The following PFKFB2 variants were observed in gnomAD, a reference collection of about 807,000 sequenced individuals.
The protein encoded by PFKFB2 is 6-phosphofructo-2-kinase/fructose-2,6-bisphosphatase 2.
A neutral mutation model predicts 68.0 loss-of-function variants in PFKFB2; 53 were observed. The ratio of observed to expected loss-of-function variants is 0.78; its 90% CI spans 0.63 to 0.98. The LOEUF is 0.98. PFKFB2 is among the 50% of genes least tolerant of loss of function. The pLI is 0.00. For missense variants in PFKFB2, 451 were observed against 642.0 expected, an observed-to-expected ratio of 0.70 and a Z score of 3.22; for synonymous variants, 222 against 227.6, an observed-to-expected ratio of 0.98 and a Z score of 0.22.
At position 207,071,490 on chromosome 1, in the gene PFKFB2, C is replaced by A. The variant is rs759439853; in HGVS notation, c.1286-19C>A. The A allele has an allele frequency of 1.9e-6, 3 of 1,607,050 alleles. No individual in the cohort carries two copies. Among genetic ancestry groups the A allele is most frequent in the Non-Finnish European group, 1.7e-6 (2 of 1,173,698 alleles). On this transcript the variant is annotated intron_variant, in intron 13 of 14. Transcript: ENST00000367080. ...TTGAACCTTTTTCTTTAAGTCCTCT[C>A]TTTCCTCTGTTTTCTCAGGGTGCAA...
In PFKFB2 at chr1:207,072,657, A is replaced by T; in HGVS notation, c.*286A>T. The T allele has an allele frequency of 8.3e-7, 1 of 1,200,186 alleles. No individual in the cohort carries two copies. Among genetic ancestry groups the T allele is most frequent in the South Asian group, 2.6e-5 (1 of 38,266 alleles). The allele number at this position is 1,200,186 out of a possible 1,614,324, so 74.3% of individuals were successfully genotyped here. A position where few individuals can be genotyped will look rare whatever the true frequency, so the allele number is the denominator to read the frequency against. On this transcript the variant is annotated 3_prime_UTR_variant, in exon 15 of 15. Coordinates refer to ENST00000367080, the MANE Select transcript of PFKFB2 (RefSeq NM_006212.2). ...TGATCTGGAGGAGGAGGAAAAAGAT[A>T]CACTCCCTTGGGGCTGAGCATGCCC... is the stretch of plus-strand genomic sequence containing the variant.
At chr1:207,042,765 C>G (rs1298377002) in intron 2 of PFKFB2, among the ~76,000 whole-genome samples, 2 of 152,012 alleles carry the variant, frequency 1.3e-5, no homozygotes, top group African/African-American at 4.8e-5. Flanking sequence ...GTTTAGAATT[C>G]AAGGGCAGGA....
At chr1:207,040,626 A>G (rs1369682297) in intron 1 of PFKFB2, among the ~76,000 whole-genome samples, 1 of 152,238 alleles carries the variant, frequency 6.6e-6, no homozygotes, top group East Asian at 1.9e-4. Context: ...AACATCCTCA[A>G]AATTTATAAA....
chr1:207,052,780 G>C (rs1371011176), upstream of PFKFB2: 1 of 156,486 alleles, frequency 6.4e-6, no homozygotes, highest in Non-Finnish European at 1.4e-5. Flanking sequence ...CTGACCTGTG[G>C]AGCCGGGTAT....
Position 207,075,063 on chromosome 1 carries a change from A to T in PFKFB2, c.*2692A>T. 1 of 985,418 alleles carries T rather than the reference A, an allele frequency of 1.0e-6. No homozygotes were observed. Among genetic ancestry groups the T allele is most frequent in the Non-Finnish European group, 1.2e-6 (1 of 829,916 alleles). 61.0% of individuals were successfully genotyped at this position (985,418 alleles called of 1,614,324 possible). On this transcript the variant is annotated 3_prime_UTR_variant, in exon 15 of 15. Coordinates refer to ENST00000367080, the MANE Select transcript of PFKFB2 (RefSeq NM_006212.2). The stretch of plus-strand genomic sequence containing the variant: ...CTGCTGTGAGGTAAGAGTAATTCAG[A>T]CCTAATGAATGAGAAGAGGGAGCAC...
At chr1:207,039,913 GGCTGAGAT>G (rs111914593) in intron 1 of PFKFB2, among the ~76,000 whole-genome samples, 4,608 of 152,250 alleles carry the variant, frequency 0.03, 212 homozygotes, top group African/African-American at 0.1. Flanking sequence ...CAAAATGGGT[GGCTGAGAT>G]GCTGAGAGGC....
Position 207,076,257 on chromosome 1 carries a change from T to TC in PFKFB2, c.*3886_*3887insC, listed in dbSNP as rs2102288725. On this transcript the variant is annotated 3_prime_UTR_variant, in exon 15 of 15. Coordinates refer to ENST00000367080, the MANE Select transcript of PFKFB2 (RefSeq NM_006212.2). Reference sequence around the variant, plus strand: ...ATCTATGTTACTTTTTTTTTCTTTTTTTTTTTTTTTTATGAGCAGGAGATC... The same window carrying TC: ...ATCTATGTTACTTTTTTTTTCTTTTTCTTTTTTTTTTTATGAGCAGGAGATC... The TC allele has an allele frequency of 1.0e-6, 1 of 966,626 alleles. No homozygotes were observed. The highest frequency in any genetic ancestry group is 1.2e-6 in the Non-Finnish European group (1 of 813,396). 59.9% of individuals were successfully genotyped at this position (966,626 alleles called of 1,614,324 possible).
At chr1:207,057,573 C>A (rs1386099060) in intron 2 of PFKFB2, among the ~76,000 whole-genome samples, 1 of 141,266 alleles carries the variant, frequency 7.1e-6, no homozygotes, top group South Asian at 2.2e-4. Context: ...CAGACAAATT[C>A]TTCCATGTAC....
chr1:207,053,596 C>T (rs959916336), intron 1 of PFKFB2, among the ~76,000 whole-genome samples: 5 of 152,162 alleles, frequency 3.3e-5, no homozygotes, highest in Non-Finnish European at 5.9e-5. Flanking sequence ...TCACCAGCCC[C>T]CTGTTGTCTG....
intron 11 of PFKFB2, 67 bp downstream of exon 11, chr1:207,069,595 G>A: frequency 9.6e-7 from 1 of 1,042,412 alleles, no homozygotes. Flanking sequence ...TTAATTTGGG[G>A]GAAGGATTGA....
At chr1:207,050,580 GC>G (rs1178261956), upstream of PFKFB2, 5 of 1,469,008 alleles carry the variant, frequency 3.4e-6, no homozygotes, top group African/African-American at 1.4e-5. Context: ...TGGCCTCAAA[GC>G]CCCCCCGCCG....
At position 207,076,950 on chromosome 1, in the gene PFKFB2, T is replaced by C; in HGVS notation, c.*4579T>C. ...TCTAACAAAGGAAGGAATTAAGCAC[T>C]CCACGTGTTTTCTTTATAGGGGAGT... On this transcript the variant is annotated 3_prime_UTR_variant, in exon 15 of 15. Transcript: ENST00000367080. The C allele has an allele frequency of 1.0e-6, 1 of 982,896 alleles. No homozygotes were observed. The highest frequency in any genetic ancestry group is 1.2e-6 in the Non-Finnish European group (1 of 827,630). 60.9% of individuals were successfully genotyped at this position (982,896 alleles called of 1,614,324 possible).
At position 207,070,806 on chromosome 1, in the gene PFKFB2, C is replaced by G. The variant is rs1042550812; in HGVS notation, c.1223-382C>G. ...GGTGCCGTTGCCTTCTTCCATACTT[C>G]GCTTCCCGATCTTCGGGAGCTCCTG... On this transcript the variant is annotated intron_variant, in intron 12 of 14. Transcript: ENST00000367080. The surrounding 1 kb of genome is among the most constrained non-coding windows in gnomAD (Gnocchi z 4.2). 2 of 275,460 alleles carry G rather than the reference C, an allele frequency of 7.3e-6. No homozygotes were observed. The highest frequency in any genetic ancestry group is 1.0e-4 in the Admixed American group (2 of 20,002). The allele number at this position is 275,460 out of a possible 1,614,324, so 17.1% of individuals were successfully genotyped here.
chr1:207,039,493 T>A (rs1682439316), intron 1 of PFKFB2, among the ~76,000 whole-genome samples: 1 of 152,220 alleles, frequency 6.6e-6, no homozygotes, highest in Non-Finnish European at 1.5e-5. Context: ...AGAAAAATAT[T>A]TATGGTTACT....
In PFKFB2 at chr1:207,076,252, CTTTTT is replaced by C. The variant is rs568062478; in HGVS notation, c.*3893_*3897del. The C allele has an allele frequency of 8.5e-5, 74 of 870,286 alleles. No individual in the cohort carries two copies. The highest frequency in any genetic ancestry group is 5.8e-4 in the Admixed American group (8 of 13,700). The allele number at this position is 870,286 out of a possible 1,614,324, so 53.9% of individuals were successfully genotyped here. The stretch of plus-strand genomic sequence containing the variant: ...AATTCATCTATGTTACTTTTTTTTT[CTTTTT>C]TTTTTTTTTTTATGAGCAGGAGATC... On this transcript the variant is annotated 3_prime_UTR_variant, in exon 15 of 15. Transcript: ENST00000367080.
intron 2 of PFKFB2, among the ~76,000 whole-genome samples, chr1:207,061,336 A>G (rs2102348451): frequency 6.7e-6 from 1 of 149,942 alleles, no homozygotes; most frequent in South Asian, 2.1e-4. Context: ...CAGCATGGTT[A>G]TTTTCTTTCT....
Position 207,071,507 on chromosome 1 carries a change from A to G in PFKFB2, c.1286-2A>G, listed in dbSNP as rs1460834377. 1 of 1,612,036 alleles carries G rather than the reference A, an allele frequency of 6.2e-7. No individual in the cohort carries two copies. The highest frequency in any genetic ancestry group is 2.2e-5 in the East Asian group (1 of 44,866). ...AGTCCTCTCTTTCCTCTGTTTTCTCAGGGTGCAAAGTGGAAACAATTAAAC... is the reference window on the plus strand; with the variant it reads ...AGTCCTCTCTTTCCTCTGTTTTCTCGGGGTGCAAAGTGGAAACAATTAAAC... On this transcript the variant is annotated splice_acceptor_variant, in intron 13 of 14. Coordinates refer to ENST00000367080, the MANE Select transcript of PFKFB2 (RefSeq NM_006212.2). LOFTEE classifies it high-confidence loss of function.
chr1:207,036,463 G>T (rs1182395184), intron 1 of PFKFB2, among the ~76,000 whole-genome samples: 1 of 152,150 alleles, frequency 6.6e-6, no homozygotes, highest in Non-Finnish European at 1.5e-5. Flanking sequence ...TTATACTTCA[G>T]GCAATTACTA....
At chr1:207,050,730 T>C, upstream of PFKFB2, 2 of 1,613,338 alleles carry the variant, frequency 1.2e-6, no homozygotes, top group South Asian at 2.2e-5. Context: ...TCCCCATTGC[T>C]GAGATCCAGG....
Sources: allele counts gnomAD v4.1 joint callset (sites outside exome capture counted in the v4.1 genomes callset), GRCh38; gene constraint gnomAD v4.1.1; non-coding constraint Gnocchi (gnomAD v3.1); transcripts MANE v1.5; gene names NCBI Gene and HGNC (gene_info 2026-07-23, HGNC 2026-07-21).